Variants in DLG2 observed in about 807,000 individuals in gnomAD.
DLG2 encodes discs large MAGUK scaffold protein 2.
A neutral mutation model predicts 132.5 loss-of-function variants in DLG2; 45 were observed. That is an observed-to-expected ratio of 0.34 (90% CI 0.27 to 0.44). The LOEUF (loss-of-function observed/expected upper bound fraction) is 0.44. DLG2 is among the 20% of genes least tolerant of loss of function. The probability of loss-of-function intolerance (pLI) is 1.00; values close to 1 mark genes in which losing one functional copy is unlikely to be tolerated. For missense variants in DLG2, 1,045 were observed against 1,196.9 expected, an observed-to-expected ratio of 0.87 and a Z score of 1.87; for synonymous variants, 424 against 419.6, an observed-to-expected ratio of 1.01 and a Z score of -0.13.
At chr11:83,841,405 C>T (rs1005746306) in intron 16 of DLG2, among the ~76,000 whole-genome samples, 2 of 152,194 alleles carry the variant, frequency 1.3e-5, no homozygotes, top group African/African-American at 4.8e-5. Flanking sequence ...TCTCTCATTT[C>T]TCATTCTGAA....
intron 21 of DLG2, among the ~76,000 whole-genome samples, chr11:83,507,552 A>G (rs1470075560): frequency 1.4e-5 from 2 of 145,400 alleles, no homozygotes; most frequent in Non-Finnish European, 3.0e-5. Context: ...CTAAAGATAT[A>G]TATCCTAAGT....
intron 6 of DLG2, among the ~76,000 whole-genome samples, chr11:85,034,791 T>A (rs575300281): frequency 1.3e-5 from 2 of 152,276 alleles, no homozygotes; most frequent in East Asian, 3.9e-4. Flanking sequence ...AGTAATGTAC[T>A]CCCATTTCCC....
In DLG2 at chr11:84,608,577, G is replaced by C. The variant is rs534082180; in HGVS notation, c.358-73846C>G. Among the ~76,000 whole-genome samples, 13 of 152,212 alleles carry C rather than the reference G, an allele frequency of 8.5e-5. 1 individual carries two copies. The highest frequency in any genetic ancestry group is 3.1e-4 in the African/African-American group (13 of 41,546). On this transcript the variant is annotated intron_variant, in intron 6 of 27. Coordinates refer to ENST00000376104, the MANE Select transcript of DLG2 (RefSeq NM_001142699.3). ...TGGCTAAATTTGGAAAGTTGGCAAGGCTGATTCTTCCCTTGAAAACAGATC... is the reference window on the plus strand; with the variant it reads ...TGGCTAAATTTGGAAAGTTGGCAAGCCTGATTCTTCCCTTGAAAACAGATC...
intron 3 of DLG2, among the ~76,000 whole-genome samples, chr11:85,568,380 C>T (rs142649563): frequency 1.3e-5 from 2 of 152,046 alleles, no homozygotes; most frequent in Admixed American, 6.6e-5. Flanking sequence ...GGATGTTGGT[C>T]TACAATTTTC....
chr11:83,617,254 A>C (rs1566075251), intron 19 of DLG2, among the ~76,000 whole-genome samples: 1 of 152,316 alleles, frequency 6.6e-6, no homozygotes, highest in East Asian at 1.9e-4. Flanking sequence ...GAGAAATGAA[A>C]TCTTTGCCAC....
At position 83,948,478 on chromosome 11, in the gene DLG2, G is replaced by A. The variant is rs908960408; in HGVS notation, c.1340+14407C>T. ...GGAAGTTGATTGCTTTCTGGAACAGGTTGTGTTTCTGGGAGGAGGCAACCA... is the reference window on the plus strand; with the variant it reads ...GGAAGTTGATTGCTTTCTGGAACAGATTGTGTTTCTGGGAGGAGGCAACCA... On this transcript the variant is annotated intron_variant, in intron 14 of 27. Coordinates refer to ENST00000376104, the MANE Select transcript of DLG2 (RefSeq NM_001142699.3). Among the ~76,000 whole-genome samples the A allele has an allele frequency of 5.3e-5, 8 of 152,268 alleles. No individual in the cohort carries two copies. In the East Asian group the frequency reaches 1.5e-3, roughly 29 times the overall value.
rs796926337 is a variant in DLG2, at chr11:84,861,635, A to C, written c.357+250026T>G. On this transcript the variant is annotated intron_variant, in intron 6 of 27. Transcript: ENST00000376104. ...CTACACAGCAAAAAAAAAAAAAAAAAAAAACAAAAAAAAAAACCTATCAGA... is the reference window on the plus strand; with the variant it reads ...CTACACAGCAAAAAAAAAAAAAAAACAAAACAAAAAAAAAAACCTATCAGA... Among the ~76,000 whole-genome samples, 321 of 67,220 alleles carry C rather than the reference A, an allele frequency of 4.8e-3. 2 individuals carry two copies. In the East Asian group the frequency reaches 0.054, roughly 11 times the overall value. 44.1% of individuals were successfully genotyped at this position (67,220 alleles called of 152,430 possible).
chr11:85,398,318 A>G (rs889042784), intron 3 of DLG2, among the ~76,000 whole-genome samples: 1 of 152,210 alleles, frequency 6.6e-6, no homozygotes, highest in African/African-American at 2.4e-5. Context: ...TGCACACAAG[A>G]GAAAACAGGA....
intron 6 of DLG2, among the ~76,000 whole-genome samples, chr11:85,095,322 AT>A (rs1434437367): frequency 6.6e-6 from 1 of 152,230 alleles, no homozygotes; most frequent in African/African-American, 2.4e-5. Context: ...CAAATCTTTG[AT>A]TTGTAGAAAA....
chr11:84,933,146 A>G (rs1462652593), intron 6 of DLG2, among the ~76,000 whole-genome samples: 2 of 152,078 alleles, frequency 1.3e-5, no homozygotes, highest in East Asian at 1.9e-4. Flanking sequence ...TGTTGGCCAC[A>G]TAAATGTTTT....
intron 7 of DLG2, among the ~76,000 whole-genome samples, chr11:84,278,487 GGCCA>G: frequency 6.8e-6 from 1 of 147,826 alleles, no homozygotes; most frequent in East Asian, 2.0e-4. Context: ...TTTTTTTTGA[GGCCA>G]GCATTACCCT....
At chr11:84,052,159 T>G (rs1321744903) in intron 11 of DLG2, among the ~76,000 whole-genome samples, 1 of 151,926 alleles carries the variant, frequency 6.6e-6, no homozygotes, top group Non-Finnish European at 1.5e-5. Flanking sequence ...ATGTGCATTT[T>G]CATAAAGCAT....
chr11:85,458,878 G>A lies in DLG2; in HGVS notation c.40+139779C>T, dbSNP rs142483248. On this transcript the variant is annotated intron_variant, in intron 3 of 27. Coordinates refer to ENST00000376104, the MANE Select transcript of DLG2 (RefSeq NM_001142699.3). ...AGTGCTGACTGCAAATCTTGGCTTG[G>A]GACTCTTGGGCAGAAGGGGAAGGGA... is the stretch of plus-strand genomic sequence containing the variant. Among the ~76,000 whole-genome samples the A allele has an allele frequency of 1.8e-3, 267 of 152,222 alleles. 1 individual carries two copies. Among genetic ancestry groups the A allele is most frequent in the African/African-American group, 6.2e-3 (259 of 41,530 alleles).
intron 4 of DLG2, among the ~76,000 whole-genome samples, chr11:85,186,701 G>A (rs2080129230): frequency 6.6e-6 from 1 of 152,068 alleles, no homozygotes; most frequent in African/African-American, 2.4e-5. Flanking sequence ...GACCTATCAT[G>A]GAGAATTGCC....
chr11:84,760,693 A>C (rs1290850949), intron 6 of DLG2, among the ~76,000 whole-genome samples: 1 of 152,192 alleles, frequency 6.6e-6, no homozygotes, highest in Non-Finnish European at 1.5e-5. Flanking sequence ...TACAGGGACA[A>C]TAACTTGTTT....
chr11:85,295,382 T>C (rs1326971725), intron 3 of DLG2, among the ~76,000 whole-genome samples: 1 of 152,180 alleles, frequency 6.6e-6, no homozygotes, highest in East Asian at 1.9e-4. Context: ...AGAAAGAAAT[T>C]AGCATTTGCC....
intron 3 of DLG2, among the ~76,000 whole-genome samples, chr11:85,419,435 G>A (rs1313774889): frequency 1.3e-5 from 2 of 152,146 alleles, no homozygotes; most frequent in Non-Finnish European, 2.9e-5. Flanking sequence ...TATCTTTGTG[G>A]TGTTCTCTGT....
intron 18 of DLG2, among the ~76,000 whole-genome samples, chr11:83,662,374 G>A (rs563788794): frequency 6.6e-6 from 1 of 152,184 alleles, no homozygotes; most frequent in African/African-American, 2.4e-5. Flanking sequence ...TGGCCCCAAA[G>A]ACACGACCCC....
In DLG2 at chr11:84,628,513, C is replaced by T. The variant is rs146022396; in HGVS notation, c.358-93782G>A. ...TTACATACCAATCTTGACTCTACCA[C>T]GCACTTTTATTATAAGAACTACATA... On this transcript the variant is annotated intron_variant, in intron 6 of 27. Coordinates refer to ENST00000376104, the MANE Select transcript of DLG2 (RefSeq NM_001142699.3). Among the ~76,000 whole-genome samples, 278 of 152,310 alleles carry T rather than the reference C, an allele frequency of 1.8e-3. 4 individuals are homozygous for T. The highest frequency in any genetic ancestry group is 4.3e-3 in the African/African-American group (177 of 41,572).
Sources: gnomAD v4.1 joint callset for allele counts (sites outside exome capture counted in the v4.1 genomes callset) on GRCh38, gnomAD v4.1.1 for gene constraint, MANE v1.5 for transcripts, NCBI Gene and HGNC (gene_info 2026-07-23, HGNC 2026-07-21) for gene names.